Variants in PCDHA6 observed in about 807,000 individuals in gnomAD.
PCDHA6 encodes protocadherin alpha-6.
PCDHA6 carries 55 observed loss-of-function variants against 60.3 expected under a neutral mutation model. The observed-to-expected ratio is 0.91, with a 90% CI of 0.73 to 1.14. The LOEUF (loss-of-function observed/expected upper bound fraction) is 1.14. PCDHA6 is among the 50% of genes most tolerant of loss of function. The pLI is 0.00. For synonymous variants in PCDHA6, 652 were observed against 557.9 expected (o/e 1.17, Z -2.38); for missense variants, 1,327 against 1,256.5 (o/e 1.06, Z -0.85).
At chr5:140,850,455 C>T (rs2150484906) in intron 1 of PCDHA6, 1 of 1,597,620 alleles carries the variant, frequency 6.3e-7, no homozygotes, top group Admixed American at 1.7e-5. Context: ...GGTGAAAGAC[C>T]ACGGGGAGCC....
At chr5:140,990,073 G>A (rs559119700) in intron 3 of PCDHA6, among the ~76,000 whole-genome samples, 6 of 152,178 alleles carry the variant, frequency 3.9e-5, no homozygotes, top group East Asian at 1.9e-4. Context: ...AAATAAGGGG[G>A]ACAAAGGATG....
chr5:140,967,273 A>G lies in PCDHA6; in HGVS notation c.2395-11676A>G, dbSNP rs2096121712. The G allele has an allele frequency of 1.9e-6, 3 of 1,613,332 alleles. No individual in the cohort carries two copies. Among genetic ancestry groups the G allele is most frequent in the South Asian group, 2.2e-5 (2 of 91,074 alleles). On this transcript the variant is annotated intron_variant, in intron 1 of 3. Transcript: ENST00000529310. ...TGGCGCCTGGAGCGCGCTTTCACAT[A>G]GAGAGTGCGCAGGACCCCGACGTGG...
intron 1 of PCDHA6, among the ~76,000 whole-genome samples, chr5:140,873,027 A>C (rs2054049034): frequency 6.6e-6 from 1 of 152,184 alleles, no homozygotes; most frequent in South Asian, 2.1e-4. Flanking sequence ...TATTCTTACT[A>C]CACGTAGAGT....
intron 1 of PCDHA6, among the ~76,000 whole-genome samples, chr5:140,846,743 T>C (rs1359038647): frequency 1.3e-5 from 2 of 149,312 alleles, no homozygotes; most frequent in Admixed American, 6.7e-5. Context: ...ATAGGACCCT[T>C]ACAGATCTCT....
chr5:140,876,206 C>T, intron 1 of PCDHA6: 1 of 1,613,864 alleles, frequency 6.2e-7, no homozygotes, highest in South Asian at 1.1e-5. Context: ...TTTGATAAGC[C>T]CAGCTATAAA....
rs2150424072 is a variant in PCDHA6, at chr5:140,848,906, A to C, written c.2394+18421A>C. 6 of 1,608,120 alleles carry C rather than the reference A, an allele frequency of 3.7e-6. No individual in the cohort carries two copies. In the East Asian group the frequency reaches 1.3e-4, roughly 36 times the overall value. On this transcript the variant is annotated intron_variant, in intron 1 of 3. Transcript: ENST00000529310. ...ACCCTCCAGTGTTCCCAGCGACACA[A>C]AAGAATCTGTTCATCGCGGAATCCA... is the stretch of plus-strand genomic sequence containing the variant.
intron 1 of PCDHA6, among the ~76,000 whole-genome samples, chr5:140,890,900 A>G (rs1554184581): frequency 6.6e-6 from 1 of 151,984 alleles, no homozygotes; most frequent in Admixed American, 6.6e-5. Flanking sequence ...TTGTCTTTCC[A>G]TGTTAGAATA....
chr5:140,943,574 G>C (rs1424164723), intron 1 of PCDHA6, among the ~76,000 whole-genome samples: 1 of 152,154 alleles, frequency 6.6e-6, no homozygotes, highest in African/African-American at 2.4e-5. Context: ...TTAATTTGTT[G>C]ATCTGAGTGG....
chr5:140,911,033 G>A lies in PCDHA6; in HGVS notation c.2395-67916G>A, dbSNP rs188656147. 2.0e-3 allele frequency among the ~76,000 whole-genome samples: 306 copies of A among 152,188 alleles called. 2 individuals are homozygous for A. The highest frequency in any genetic ancestry group is 7.0e-3 in the African/African-American group (291 of 41,532). On this transcript the variant is annotated intron_variant, in intron 1 of 3. Transcript: ENST00000529310. ...GGACTTTAGTCTAGTTATAGGTCTA[G>A]AAGCAAACAGGGGTGGTGGGGGGTG...
At chr5:140,979,104 A>G (rs1563470833) in intron 2 of PCDHA6, 97 bp downstream of exon 2, 3 of 1,539,000 alleles carry the variant, frequency 1.9e-6, no homozygotes, top group Admixed American at 2.2e-5. Context: ...TGTCAAAACT[A>G]AAAAGCTTTA....
chr5:140,842,494 C>T lies in PCDHA6; in HGVS notation c.2394+12009C>T, dbSNP rs2150337446. The T allele has an allele frequency of 1.1e-5, 17 of 1,613,862 alleles. No homozygotes were observed. In the South Asian group the frequency reaches 1.6e-4, roughly 16 times the overall value. On this transcript the variant is annotated intron_variant, in intron 1 of 3. Transcript: ENST00000529310. ...GGCAGGTGACCTGCTCCCTGATGCCCCATGTCCCCTTCAAGCTGGTGTCCA... is the reference window on the plus strand; with the variant it reads ...GGCAGGTGACCTGCTCCCTGATGCCTCATGTCCCCTTCAAGCTGGTGTCCA...
chr5:140,837,632 CCTTT>C (rs140175664), intron 1 of PCDHA6, among the ~76,000 whole-genome samples: 9,222 of 151,164 alleles, frequency 0.061, 992 homozygotes, highest in African/African-American at 0.21. Context: ...TTCCTTCCTT[CCTTT>C]CTTTCTTTCT....
At chr5:140,834,395 G>A in intron 1 of PCDHA6, 1 of 1,598,712 alleles carries the variant, frequency 6.3e-7, no homozygotes, top group Non-Finnish European at 8.5e-7. Context: ...TGGTGTGCCC[G>A]AATGGATACG....
chr5:140,982,708 C>G (rs550422492), intron 3 of PCDHA6, 145 bp downstream of exon 3: 1 of 1,373,770 alleles, frequency 7.3e-7, no homozygotes, highest in African/African-American at 1.5e-5. Flanking sequence ...GATTTCCTTA[C>G]ATATATGATT....
At chr5:140,931,951 G>A (rs1366094994) in intron 1 of PCDHA6, among the ~76,000 whole-genome samples, 1 of 151,826 alleles carries the variant, frequency 6.6e-6, no homozygotes, top group Non-Finnish European at 1.5e-5. Flanking sequence ...GAGTCTTACA[G>A]AATCATGTTG....
chr5:140,860,192 C>CATATATATATATATATATAT (rs143984774), intron 1 of PCDHA6: 1 of 146,816 alleles, frequency 6.8e-6, no homozygotes, highest in African/African-American at 2.5e-5. Context: ...GCTCTCCTTA[C>CATATATATATATATATATAT]ATATATATCT....
intron 1 of PCDHA6, chr5:140,871,342 T>C: frequency 6.2e-7 from 1 of 1,614,120 alleles, no homozygotes; most frequent in Non-Finnish European, 8.5e-7. Context: ...GGTGGGGAGC[T>C]GGTCATACTC....
rs182752192 is a variant in PCDHA6 at position 140,839,718 on chromosome 5, T to A, written c.2394+9233T>A. ...TAAATAATGTGATGACAAATTTAAATCATTTCACAGAAAATACCCTTATTT... is the reference window on the plus strand; with the variant it reads ...TAAATAATGTGATGACAAATTTAAAACATTTCACAGAAAATACCCTTATTT... On this transcript the variant is annotated intron_variant, in intron 1 of 3. Transcript: ENST00000529310. Among the ~76,000 whole-genome samples the A allele has an allele frequency of 7.0e-4, 106 of 152,196 alleles. 2 individuals are homozygous for A. The highest frequency in any genetic ancestry group is 2.5e-3 in the African/African-American group (104 of 41,490).
At chr5:140,879,939 T>C (rs1554171083) in intron 1 of PCDHA6, among the ~76,000 whole-genome samples, 1 of 152,194 alleles carries the variant, frequency 6.6e-6, no homozygotes. Flanking sequence ...TGTGATTGTA[T>C]TTAGGGCCCA....
Sources: gnomAD v4.1 joint callset for allele counts (sites outside exome capture counted in the v4.1 genomes callset) on GRCh38, gnomAD v4.1.1 for gene constraint, MANE v1.5 for transcripts, NCBI Gene and HGNC (gene_info 2026-07-23, HGNC 2026-07-21) for gene names.